ECM2: variants seen among roughly 807,000 people sequenced by gnomAD.
ECM2 encodes the protein extracellular matrix protein 2, also known as extracellular matrix protein 2, female organ and adipocyte specific.
ECM2 carries 57 observed loss-of-function variants against 67.5 expected under a neutral mutation model. That is an observed-to-expected ratio of 0.84 (90% CI 0.68 to 1.05). The LOEUF (loss-of-function observed/expected upper bound fraction) is 1.05. ECM2 is among the 50% of genes least tolerant of loss of function. ECM2 has a pLI of 0.00. For synonymous variants in ECM2, 258 were observed against 294.5 expected (o/e 0.88, Z 1.27); for missense variants, 741 against 822.8 (o/e 0.90, Z 1.22).
Position 92,496,315 on chromosome 9 carries a change from T to C in ECM2, c.2100A>G (p.Ter700=). 6.4e-7 allele frequency: 1 copy of C among 1,573,328 alleles called. No individual in the cohort carries two copies. The highest frequency in any genetic ancestry group is 1.2e-5 in the South Asian group (1 of 83,216). Residue 700 remains the stop codon, a stop_retained_variant, in exon 10 of 10, where the codon TAA becomes TAG. Coordinates refer to ENST00000344604, the MANE Select transcript of ECM2 (RefSeq NM_001393.4). The part of the protein sequence containing the change: ...SIVLKPQNIK[*] ...ATAAACAGCAAAGGAAAACTTGGAATTACTTGATGTTTTGTGGTTTAAGAA... is the reference window on the plus strand; with the variant it reads ...ATAAACAGCAAAGGAAAACTTGGAACTACTTGATGTTTTGTGGTTTAAGAA...
intron 1 of ECM2, 99 bp from the exon 2 acceptor site, chr9:92,522,992 G>C (rs1157339198): frequency 8.9e-7 from 1 of 1,128,874 alleles, no homozygotes; most frequent in Non-Finnish European, 1.2e-6. Flanking sequence ...GCAAGTCTTT[G>C]AGAAATTACA....
In ECM2 at chr9:92,507,841, G is replaced by A. The variant is rs949167668; in HGVS notation, c.1306+2058C>T. ...ATAACACGTGTGCACATCTCAGGTG[G>A]ACTCTGCTCCTCCTGCAGGTAAATT... On this transcript the variant is annotated intron_variant, in intron 6 of 9. Transcript: ENST00000344604. Among the ~76,000 whole-genome samples, 6 of 152,266 alleles carry A rather than the reference G, an allele frequency of 3.9e-5. No homozygotes were observed. The South Asian group carries it at 1.0e-3, about 26-fold the overall frequency.
the ECM2 span, among the ~76,000 whole-genome samples, chr9:92,555,003 TTTGTTGTTGTTG>T: frequency 5.0e-4 from 75 of 149,826 alleles, no homozygotes; most frequent in East Asian, 0.013. Context: ...GTCTGTATTG[TTTGTTGTTGTTG>T]TTGTTGTTGT....
In ECM2 at chr9:92,514,875, C is replaced by CA; in HGVS notation, c.809_810insT (p.Glu270AspfsTer6). On this transcript the variant is annotated frameshift_variant, in exon 4 of 10. Transcript: ENST00000344604. LOFTEE classifies it high-confidence loss of function. ...CCTCCTCCTCCTCATCCTCCTCCTC[C>CA]TCCCTTCCTTGGCGTTGTTGCTGGT... The CA allele has an allele frequency of 6.2e-7, 1 of 1,613,520 alleles. No homozygotes were observed. The highest frequency in any genetic ancestry group is 1.1e-5 in the South Asian group (1 of 90,972).
At chr9:92,511,775 AC>A (rs1233184248) in intron 5 of ECM2, among the ~76,000 whole-genome samples, 1 of 152,182 alleles carries the variant, frequency 6.6e-6, no homozygotes, top group Non-Finnish European at 1.5e-5. Context: ...TAAAATCATT[AC>A]TTTTGTCACT....
chr9:92,547,142 A>T, the ECM2 span, among the ~76,000 whole-genome samples: 1 of 152,252 alleles, frequency 6.6e-6, no homozygotes, highest in Non-Finnish European at 1.5e-5. Flanking sequence ...CTTTGTGATC[A>T]TCTTAATAGA....
intron 1 of ECM2, among the ~76,000 whole-genome samples, chr9:92,524,999 A>G (rs1362365790): frequency 6.6e-6 from 1 of 152,238 alleles, no homozygotes; most frequent in Non-Finnish European, 1.5e-5. Context: ...TAACCCAGTC[A>G]TCTTGTTGGA....
intron 9 of ECM2, among the ~76,000 whole-genome samples, chr9:92,499,798 G>C (rs1294629436): frequency 6.6e-6 from 1 of 152,160 alleles, no homozygotes; most frequent in African/African-American, 2.4e-5. Flanking sequence ...GAAAGACTAA[G>C]AGGCATAATT....
chr9:92,536,197 A>G (rs1849154162), upstream of ECM2: 2 of 367,514 alleles, frequency 5.4e-6, no homozygotes, highest in South Asian at 2.0e-5. Flanking sequence ...TAAGAAAAGT[A>G]GAAAACAGCA....
At chr9:92,522,126 G>A (rs964444302) in intron 2 of ECM2, among the ~76,000 whole-genome samples, 8 of 151,906 alleles carry the variant, frequency 5.3e-5, no homozygotes, top group Admixed American at 2.0e-4. Flanking sequence ...TTGCTCTGTC[G>A]CCCAGGCTGG....
intron 6 of ECM2, among the ~76,000 whole-genome samples, 186 bp downstream of exon 6, chr9:92,509,713 G>T (rs776945146): frequency 3.9e-5 from 6 of 152,130 alleles, no homozygotes; most frequent in Non-Finnish European, 8.8e-5. Flanking sequence ...AAGACAATAG[G>T]CAGTTTAAAA....
chr9:92,528,306 A>C (rs1266421199), intron 1 of ECM2, among the ~76,000 whole-genome samples: 13 of 152,274 alleles, frequency 8.5e-5, no homozygotes, highest in Non-Finnish European at 1.6e-4. Context: ...AGGGAGTTGC[A>C]GTGAGGGGAA....
At chr9:92,535,896 A>C (rs540849186) in intron 1 of ECM2, 37 bp downstream of exon 1, 3 of 453,104 alleles carry the variant, frequency 6.6e-6, no homozygotes, top group South Asian at 5.0e-5. Context: ...ACCATTCCAC[A>C]TGCTAAGTAG....
intron 6 of ECM2, among the ~76,000 whole-genome samples, chr9:92,508,202 G>A (rs1847119568): frequency 6.6e-6 from 1 of 152,184 alleles, no homozygotes; most frequent in African/African-American, 2.4e-5. Flanking sequence ...GCACCCGAGG[G>A]GCCAGTACTG....
the ECM2 span, among the ~76,000 whole-genome samples, chr9:92,553,417 G>T: frequency 6.6e-6 from 1 of 152,076 alleles, no homozygotes; most frequent in Non-Finnish European, 1.5e-5. Context: ...ATGAATTTTA[G>T]AATTGTTTTT....
Position 92,505,528 on chromosome 9 carries a change from G to A in ECM2, c.1464+5C>T. On this transcript the variant is annotated splice_donor_5th_base_variant and intron_variant, in intron 7 of 9. Coordinates refer to ENST00000344604, the MANE Select transcript of ECM2 (RefSeq NM_001393.4). ...ATTTAAAACACTAAAAAAATATATT[G>A]TTACCTCAATAGAACCAGGAAGACC... is the stretch of plus-strand genomic sequence containing the variant. The A allele has an allele frequency of 1.9e-6, 3 of 1,584,932 alleles. No individual in the cohort carries two copies. Among genetic ancestry groups the A allele is most frequent in the Non-Finnish European group, 1.7e-6 (2 of 1,170,866 alleles).
At chr9:92,510,796 T>G (rs1051281967) in intron 5 of ECM2, among the ~76,000 whole-genome samples, 2 of 152,222 alleles carry the variant, frequency 1.3e-5, no homozygotes, top group Admixed American at 6.5e-5. Context: ...CAAATTTTTC[T>G]CTTGGACAAA....
chr9:92,528,608 T>A (rs1848559330), intron 1 of ECM2, among the ~76,000 whole-genome samples: 2 of 151,788 alleles, frequency 1.3e-5, no homozygotes, highest in Non-Finnish European at 2.9e-5. Flanking sequence ...AGGAAGAGTT[T>A]GTGTTCCACC....
At chr9:92,514,414 A>G (rs1223640712) in intron 4 of ECM2, among the ~76,000 whole-genome samples, 6 of 151,702 alleles carry the variant, frequency 4.0e-5, no homozygotes, top group African/African-American at 1.5e-4. Context: ...AGCTGGGATT[A>G]CAGGCATGCC....
Sources: gnomAD v4.1 joint callset for allele counts (sites outside exome capture counted in the v4.1 genomes callset) on GRCh38, gnomAD v4.1.1 for gene constraint, MANE v1.5 for transcripts, NCBI Gene and HGNC (gene_info 2026-07-23, HGNC 2026-07-21) for gene names.